Variants in IGF2BP2 observed in about 807,000 individuals in gnomAD.
IGF2BP2 encodes insulin-like growth factor 2 mRNA-binding protein 2.
In IGF2BP2, 17 loss-of-function variants were observed where a neutral mutation model predicts 75.8. That is an observed-to-expected ratio of 0.22 (90% CI 0.15 to 0.34). The LOEUF is 0.34. Among genes scored for constraint, IGF2BP2 ranks in the 10% least tolerant of loss-of-function variants. The pLI is 1.00. For missense variants in IGF2BP2, 516 were observed against 772.4 expected, an observed-to-expected ratio of 0.67 and a Z score of 3.93; for synonymous variants, 288 against 295.6, an observed-to-expected ratio of 0.97 and a Z score of 0.26.
intron 2 of IGF2BP2, chr3:185,821,076 C>G: frequency 6.5e-7 from 1 of 1,534,948 alleles, no homozygotes; most frequent in African/African-American, 1.4e-5. Flanking sequence ...CTGCTTCATC[C>G]CTGAAGTCTG....
At position 185,647,100 on chromosome 3, in the gene IGF2BP2, G is replaced by T; in HGVS notation, c.1632C>A (p.Ile544=). 6.2e-7 allele frequency: 1 copy of T among 1,614,116 alleles called. No homozygotes were observed. The highest frequency in any genetic ancestry group is 1.1e-5 in the South Asian group (1 of 91,080). The change falls in exon 15 of 16, where the codon ATC becomes ATA. Residue 544 remains isoleucine (I), a synonymous_variant. Transcript: ENST00000382199. The surrounding 1 kb of genome is among the most constrained non-coding windows in gnomAD (Gnocchi z 4.9). ...ELQNLTSAEV[I]VPRDQTPDEN... ...CATCTGGCGTTTGGTCACGAGGCAC[G>T]ATGACTTCTGCACTGGTTAAGTTCT...
chr3:185,783,257 T>TA (rs375345262), intron 2 of IGF2BP2, among the ~76,000 whole-genome samples: 1 of 152,318 alleles, frequency 6.6e-6, no homozygotes, highest in East Asian at 1.9e-4. Flanking sequence ...TCTGGACTCT[T>TA]ACTGAAAATA....
intron 4 of IGF2BP2, among the ~76,000 whole-genome samples, chr3:185,694,197 TCA>T (rs1722293361): frequency 6.6e-6 from 1 of 152,190 alleles, no homozygotes; most frequent in African/African-American, 2.4e-5. Flanking sequence ...ACAGAAGTCC[TCA>T]CAGTGCAAAA....
intron 2 of IGF2BP2, among the ~76,000 whole-genome samples, chr3:185,791,937 A>G (rs1736693262): frequency 6.6e-6 from 1 of 152,204 alleles, no homozygotes; most frequent in African/African-American, 2.4e-5. Context: ...CACTGTGACA[A>G]TGGGGGATCT....
At chr3:185,664,995 T>TA (rs1281300200) in intron 10 of IGF2BP2, among the ~76,000 whole-genome samples, 1 of 151,260 alleles carries the variant, frequency 6.6e-6, no homozygotes, top group Non-Finnish European at 1.5e-5. Context: ...CAAAAAAACT[T>TA]ATAGATACCG....
In IGF2BP2 at chr3:185,649,437, G is replaced by A. The variant is rs760985009; in HGVS notation, c.1559C>T (p.Thr520Ile). Reference sequence around the variant, plus strand: ...ACCTTTGCCAATCACCCGGCCAGCTGTGGAAGAGGGCACTCTGATATGCGC... The same window carrying A: ...ACCTTTGCCAATCACCCGGCCAGCTATGGAAGAGGGCACTCTGATATGCGC... ...LEAHIRVPSS[T>I]AGRVIGKGGK... The change falls in exon 14 of 16, where the codon ACA becomes ATA. Residue 520 changes from threonine (T) to isoleucine (I), a missense_variant. By Grantham distance (89) the Thr-to-Ile change is moderately conservative (BLOSUM62 -1). Coordinates refer to ENST00000382199, the MANE Select transcript of IGF2BP2 (RefSeq NM_006548.6). 1 of 1,613,998 alleles carries A rather than the reference G, an allele frequency of 6.2e-7. No individual in the cohort carries two copies. Among genetic ancestry groups the A allele is most frequent in the South Asian group, 1.1e-5 (1 of 91,060 alleles).
At chr3:185,732,648 A>G (rs1245353651) in intron 2 of IGF2BP2, among the ~76,000 whole-genome samples, 1 of 152,228 alleles carries the variant, frequency 6.6e-6, no homozygotes, top group Non-Finnish European at 1.5e-5. Flanking sequence ...TCTAAAATCA[A>G]AACAATGCTT....
intron 2 of IGF2BP2, among the ~76,000 whole-genome samples, chr3:185,773,848 T>C (rs1002452846): frequency 4.6e-5 from 7 of 152,198 alleles, no homozygotes; most frequent in African/African-American, 1.7e-4. Context: ...TAAAAACAAG[T>C]GCTCTAAAAG....
chr3:185,730,428 CTTTT>C (rs71632076), intron 2 of IGF2BP2, among the ~76,000 whole-genome samples: 3 of 96,764 alleles, frequency 3.1e-5, no homozygotes, highest in Non-Finnish European at 4.1e-5. Flanking sequence ...GCGCAGGTGT[CTTTT>C]TTTTTTTTTT....
At chr3:185,798,332 G>T (rs1454909684) in intron 2 of IGF2BP2, among the ~76,000 whole-genome samples, 1 of 152,148 alleles carries the variant, frequency 6.6e-6, no homozygotes, top group Admixed American at 6.5e-5. Context: ...GTGGAAAAAG[G>T]CATCCACTAA....
At chr3:185,756,661 T>C (rs1041072509) in intron 2 of IGF2BP2, among the ~76,000 whole-genome samples, 2 of 152,190 alleles carry the variant, frequency 1.3e-5, no homozygotes, top group Non-Finnish European at 2.9e-5. Context: ...GTTTTGATAA[T>C]CTTTCTCTGC....
At chr3:185,727,148 G>A (rs1184745811) in intron 2 of IGF2BP2, among the ~76,000 whole-genome samples, 1 of 151,630 alleles carries the variant, frequency 6.6e-6, no homozygotes, top group Non-Finnish European at 1.5e-5. Flanking sequence ...AACCTGGGAG[G>A]CAGAGGTTGC....
At chr3:185,781,729 T>C (rs935235713) in intron 2 of IGF2BP2, among the ~76,000 whole-genome samples, 2 of 152,098 alleles carry the variant, frequency 1.3e-5, no homozygotes, top group African/African-American at 4.8e-5. Flanking sequence ...TCTAAGAATT[T>C]TGTTTGTTTG....
intron 2 of IGF2BP2, among the ~76,000 whole-genome samples, chr3:185,746,761 T>C (rs1258752507): frequency 6.6e-6 from 1 of 152,214 alleles, no homozygotes; most frequent in Non-Finnish European, 1.5e-5. Flanking sequence ...TGGTAGATTC[T>C]TGAGCTAGGG....
chr3:185,800,962 C>G (rs1738165311), intron 2 of IGF2BP2, among the ~76,000 whole-genome samples: 1 of 151,906 alleles, frequency 6.6e-6, no homozygotes, highest in South Asian at 2.1e-4. Flanking sequence ...ATCTAACCAC[C>G]TGACAAAGGT....
rs575873253 is a variant in IGF2BP2 at position 185,799,707 on chromosome 3, G to A, written c.239+23446C>T. ...GCAGAGCTTGCAGTGAGCTGAGATTGCACAACTGCACTCCAGCCTGGGAGA... is the reference window on the plus strand; with the variant it reads ...GCAGAGCTTGCAGTGAGCTGAGATTACACAACTGCACTCCAGCCTGGGAGA... On this transcript the variant is annotated intron_variant, in intron 2 of 15. Coordinates refer to ENST00000382199, the MANE Select transcript of IGF2BP2 (RefSeq NM_006548.6). Among the ~76,000 whole-genome samples the A allele has an allele frequency of 2.3e-3, 341 of 151,076 alleles. 1 individual carries two copies. The highest frequency in any genetic ancestry group is 8.0e-3 in the African/African-American group (327 of 41,038).
chr3:185,792,426 G>A (rs191462654), intron 2 of IGF2BP2, among the ~76,000 whole-genome samples: 3 of 151,926 alleles, frequency 2.0e-5, no homozygotes, highest in Admixed American at 6.6e-5. Context: ...CCAACATGGC[G>A]AAACCCCGTC....
At chr3:185,770,100 CT>C (rs746944599) in intron 2 of IGF2BP2, among the ~76,000 whole-genome samples, 1 of 152,156 alleles carries the variant, frequency 6.6e-6, no homozygotes, top group Non-Finnish European at 1.5e-5. Flanking sequence ...TGAGCCTTCT[CT>C]CTATGTCCTC....
intron 2 of IGF2BP2, among the ~76,000 whole-genome samples, chr3:185,804,149 C>T (rs964672334): frequency 1.3e-5 from 2 of 151,426 alleles, no homozygotes; most frequent in Non-Finnish European, 2.9e-5. Context: ...CCCAGCTACT[C>T]GGGAGACTGA....
Sources: gnomAD v4.1 joint callset for allele counts (sites outside exome capture counted in the v4.1 genomes callset) on GRCh38, gnomAD v4.1.1 for gene constraint, Gnocchi (gnomAD v3.1) non-coding constraint, MANE v1.5 for transcripts, NCBI Gene and HGNC (gene_info 2026-07-23, HGNC 2026-07-21) for gene names.